Variants in NMBR observed in about 807,000 individuals in gnomAD.
NMBR encodes the protein neuromedin B receptor, also known as neuromedin-B receptor.
NMBR carries 16 observed loss-of-function variants against 20.5 expected under a neutral mutation model. That is an observed-to-expected ratio of 0.78 (90% CI 0.53 to 1.19). The LOEUF (loss-of-function observed/expected upper bound fraction) is 1.19, where lower values mean the gene tolerates loss of function less well. Among genes scored for constraint, NMBR ranks in the 50% most tolerant of loss-of-function variants. The probability of loss-of-function intolerance (pLI) is 0.00; values close to 1 mark genes in which losing one functional copy is unlikely to be tolerated. For synonymous variants in NMBR, 212 were observed against 196.6 expected, an observed-to-expected ratio of 1.08 and a Z score of -0.65; for missense variants, 582 against 499.1, an observed-to-expected ratio of 1.17 and a Z score of -1.58.
Position 142,078,827 on chromosome 6 carries a change from T to G in NMBR, c.499A>C (p.Ile167Leu), listed in dbSNP as rs56126862. Residue 167 changes from isoleucine (I) to leucine (L), a missense_variant, in exon 3 of 4, where the codon ATC becomes CTC. By Grantham distance (5) the Ile-to-Leu change is conservative. Transcript: ENST00000258042. The stretch of plus-strand genomic sequence containing the variant: ...GCCAGCAACACGGAGACCACCCAGA[T>G]ACCCATGGCCTTCACACAGGTCCGC... ...LLRTCVKAMG[I>L]WVVSVLLAVP... is the part of the protein sequence containing the mutation. 6.2e-7 allele frequency: 1 copy of G among 1,613,756 alleles called. No homozygotes were observed. Among genetic ancestry groups the G allele is most frequent in the African/African-American group, 1.3e-5 (1 of 74,788 alleles).
chr6:142,085,389 T>C (rs1777180746), intron 2 of NMBR, among the ~76,000 whole-genome samples: 1 of 152,114 alleles, frequency 6.6e-6, no homozygotes, highest in South Asian at 2.1e-4. Context: ...CCAGGCATAG[T>C]GGCGTGTGCC....
chr6:142,125,834 CG>C (rs1562245396), intron 1 of NMBR, among the ~76,000 whole-genome samples: 1 of 151,676 alleles, frequency 6.6e-6, no homozygotes, highest in African/African-American at 2.4e-5. Context: ...ACATATCCAT[CG>C]CCTCCCATAA....
chr6:142,135,380 T>C (rs1301612901), intron 1 of NMBR, among the ~76,000 whole-genome samples: 1 of 152,190 alleles, frequency 6.6e-6, no homozygotes. Flanking sequence ...ATATAACTTA[T>C]TAAGCACAAA....
At chr6:142,142,425 C>T (rs989159732) in intron 1 of NMBR, among the ~76,000 whole-genome samples, 5 of 152,066 alleles carry the variant, frequency 3.3e-5, no homozygotes, top group South Asian at 2.1e-4. Flanking sequence ...TCACATTAGG[C>T]GGGGTTTACC....
Position 142,117,122 on chromosome 6 carries a change from T to C in NMBR, c.-663-27801A>G, listed in dbSNP as rs1048314887. Among the ~76,000 whole-genome samples, 12 of 152,054 alleles carry C rather than the reference T, an allele frequency of 7.9e-5. No homozygotes were observed. In the South Asian group the frequency reaches 2.5e-3, roughly 32 times the overall value. ...CTTGCGATGATAAGGTCACTGAAGG[T>C]CACCAAGACATTTACAGGAGCTTTC... On this transcript the variant is annotated intron_variant, in intron 1 of 3. Coordinates refer to ENST00000258042, the MANE Select transcript of NMBR (RefSeq NM_002511.4).
chr6:142,081,043 G>A lies in NMBR; in HGVS notation c.423-2140C>T, dbSNP rs539098519. 2.0e-5 allele frequency among the ~76,000 whole-genome samples: 3 copies of A among 152,324 alleles called. No homozygotes were observed. In the South Asian group the frequency reaches 6.2e-4, roughly 32 times the overall value. On this transcript the variant is annotated intron_variant, in intron 2 of 3. Transcript: ENST00000258042. The stretch of plus-strand genomic sequence containing the variant: ...AATTTGTCACAATTCTGAAGACTAG[G>A]AAATCTAAGATAAAGACATTGAGAG...
intron 2 of NMBR, among the ~76,000 whole-genome samples, chr6:142,081,357 C>T (rs4495286): frequency 0.64 from 97,857 of 152,044 alleles, 33,334 homozygotes; most frequent in East Asian, 0.87. Context: ...GAAATTAAAA[C>T]AAAAAGTCTC....
chr6:142,078,534 AC>A lies in NMBR; in HGVS notation c.771+20del. 7.1e-7 allele frequency: 1 copy of A among 1,402,532 alleles called. No individual in the cohort carries two copies. Among genetic ancestry groups the A allele is most frequent in the Non-Finnish European group, 9.9e-7 (1 of 1,013,294 alleles). The allele number at this position is 1,402,532 out of a possible 1,614,324, so 86.9% of individuals were successfully genotyped here. On this transcript the variant is annotated intron_variant, in intron 3 of 3. Transcript: ENST00000258042. ...TACTTGTTCTGACCACACACCACCA[AC>A]CCACGCCTACTAAGCTTACCTGTTT...
intron 3 of NMBR, among the ~76,000 whole-genome samples, chr6:142,077,761 G>A (rs571282510): frequency 6.6e-6 from 1 of 152,170 alleles, no homozygotes; most frequent in African/African-American, 2.4e-5. Context: ...TTGGAAACAA[G>A]CATCGGTAAC....
At chr6:142,120,900 C>T (rs1454056360) in intron 1 of NMBR, among the ~76,000 whole-genome samples, 4 of 151,868 alleles carry the variant, frequency 2.6e-5, no homozygotes, top group South Asian at 2.1e-4. Context: ...CTCATTTTAT[C>T]GTGTTTCATT....
At chr6:142,140,605 CATAGAG>C (rs1778347620) in intron 1 of NMBR, among the ~76,000 whole-genome samples, 1 of 152,060 alleles carries the variant, frequency 6.6e-6, no homozygotes, top group Non-Finnish European at 1.5e-5. Context: ...ACTCCAAAAA[CATAGAG>C]ATTGTCTAAA....
intron 1 of NMBR, among the ~76,000 whole-genome samples, chr6:142,107,658 CA>C (rs1582850259): frequency 6.6e-6 from 1 of 152,110 alleles, no homozygotes; most frequent in East Asian, 1.9e-4. Flanking sequence ...TAGTTTTCAA[CA>C]AAAAATTATG....
intron 1 of NMBR, among the ~76,000 whole-genome samples, chr6:142,094,232 A>G (rs1014150728): frequency 1.3e-5 from 2 of 152,030 alleles, no homozygotes; most frequent in African/African-American, 4.8e-5. Context: ...GCCCATGCCT[A>G]TGTCCTGAAT....
intron 1 of NMBR, among the ~76,000 whole-genome samples, chr6:142,089,604 T>C (rs1777282379): frequency 6.6e-6 from 1 of 152,158 alleles, no homozygotes; most frequent in Non-Finnish European, 1.5e-5. Flanking sequence ...ATTGAATAAG[T>C]GTGCCTCCTA....
At chr6:142,105,710 G>A (rs1287909071) in intron 1 of NMBR, among the ~76,000 whole-genome samples, 1 of 151,880 alleles carries the variant, frequency 6.6e-6, no homozygotes, top group Non-Finnish European at 1.5e-5. Flanking sequence ...AGTAGTTTTA[G>A]TTACATACAT....
chr6:142,127,723 G>A (rs1321503304), intron 1 of NMBR, among the ~76,000 whole-genome samples: 1 of 151,588 alleles, frequency 6.6e-6, no homozygotes, highest in Non-Finnish European at 1.5e-5. Flanking sequence ...TAATTCCTGA[G>A]TATTTTTTTC....
intron 1 of NMBR, among the ~76,000 whole-genome samples, chr6:142,133,548 C>A (rs1778185734): frequency 1.3e-5 from 2 of 152,082 alleles, no homozygotes; most frequent in South Asian, 4.2e-4. Context: ...ATTAGATATT[C>A]TGATTTTATT....
chr6:142,117,266 C>A (rs990372531), intron 1 of NMBR, among the ~76,000 whole-genome samples: 3 of 151,824 alleles, frequency 2.0e-5, no homozygotes, highest in Non-Finnish European at 4.4e-5. Context: ...TCCAAAAAGT[C>A]AAATAATTGT....
intron 1 of NMBR, among the ~76,000 whole-genome samples, chr6:142,094,552 A>G (rs1202974289): frequency 6.6e-6 from 1 of 152,152 alleles, no homozygotes; most frequent in Admixed American, 6.5e-5. Context: ...TGGCTACTGT[A>G]GCCTTGCAGT....
Sources: gnomAD v4.1 joint callset for allele counts (sites outside exome capture counted in the v4.1 genomes callset) on GRCh38, gnomAD v4.1.1 for gene constraint, MANE v1.5 for transcripts, NCBI Gene and HGNC (gene_info 2026-07-23, HGNC 2026-07-21) for gene names.